The following RHOT1 variants were observed in gnomAD, a reference collection of about 807,000 sequenced individuals.
RHOT1 encodes mitochondrial Rho GTPase 1.
In RHOT1, 27 loss-of-function variants were observed where a neutral mutation model predicts 95.3. The observed-to-expected ratio is 0.28, with a 90% CI of 0.21 to 0.39. RHOT1 has a LOEUF of 0.39. Ranked by LOEUF, RHOT1 falls within the 10% of genes least tolerant of loss-of-function variation. The pLI, the probability that RHOT1 is intolerant of heterozygous loss-of-function variation, is 1.00. For missense variants in RHOT1, 578 were observed against 786.7 expected, an observed-to-expected ratio of 0.73 and a Z score of 3.17; for synonymous variants, 227 against 263.5, an observed-to-expected ratio of 0.86 and a Z score of 1.34.
At chr17:32,149,169 A>G (rs1022985683) in intron 1 of RHOT1, among the ~76,000 whole-genome samples, 1 of 152,182 alleles carries the variant, frequency 6.6e-6, no homozygotes, top group Non-Finnish European at 1.5e-5. Flanking sequence ...CCTCCATATT[A>G]ATAACATACT....
At chr17:32,196,956 T>C (rs1309998371) in intron 11 of RHOT1, among the ~76,000 whole-genome samples, 1 of 151,940 alleles carries the variant, frequency 6.6e-6, no homozygotes, top group Non-Finnish European at 1.5e-5. Context: ...AACCCATCTC[T>C]ACTAAAAATA....
intron 1 of RHOT1, among the ~76,000 whole-genome samples, chr17:32,161,550 A>G (rs2033558374): frequency 6.6e-6 from 1 of 152,214 alleles, no homozygotes. Context: ...TAGTTTTACA[A>G]AGGTGGTTTA....
At chr17:32,174,824 G>A (rs946080621) in intron 3 of RHOT1, among the ~76,000 whole-genome samples, 1 of 152,152 alleles carries the variant, frequency 6.6e-6, no homozygotes, top group Non-Finnish European at 1.5e-5. Context: ...ACCAGTTCTA[G>A]CTAAAGATAC....
At chr17:32,170,087 C>T (rs117259038) in intron 1 of RHOT1, among the ~76,000 whole-genome samples, 2,617 of 152,034 alleles carry the variant, frequency 0.017, 35 homozygotes, top group South Asian at 0.025. Context: ...AATTATAATA[C>T]ATCATGCAGT....
intron 6 of RHOT1, among the ~76,000 whole-genome samples, chr17:32,177,687 G>A (rs1406018498): frequency 3.4e-5 from 5 of 149,234 alleles, no homozygotes; most frequent in South Asian, 2.1e-4. Context: ...CCCAGGAGGC[G>A]GAGCTTGCAG....
intron 8 of RHOT1, among the ~76,000 whole-genome samples, chr17:32,185,598 G>A (rs1279724041): frequency 6.6e-6 from 1 of 151,888 alleles, no homozygotes; most frequent in Non-Finnish European, 1.5e-5. Context: ...GTAGAAGATG[G>A]GGTTTCACCA....
chr17:32,148,498 T>C (rs147317019), intron 1 of RHOT1, among the ~76,000 whole-genome samples: 1 of 152,354 alleles, frequency 6.6e-6, no homozygotes, highest in Admixed American at 6.5e-5. Context: ...TGGTTACTAG[T>C]GTTGATCTCG....
chr17:32,198,204 A>G (rs546571446), intron 11 of RHOT1, among the ~76,000 whole-genome samples: 4 of 152,302 alleles, frequency 2.6e-5, no homozygotes, highest in African/African-American at 9.6e-5. Flanking sequence ...CACTCAGTGC[A>G]TTTGGTTAAT....
rs1242718385 is a variant in RHOT1 at position 32,142,506 on chromosome 17, C to CCGCCGCCGCCGCCGCCGCCGCCGCCGCCG, written c.-186_-185insGCCGCCGCCGCCGCCGCCGCCGCCGCCGC. The stretch of plus-strand genomic sequence containing the variant: ...GCCGCCGCCGCCGCCGCCGCCACAG[C>CCGCCGCCGCCGCCGCCGCCGCCGCCGCCG]CCGCTGGGCCGGAGGAGGCGGAGCT... On this transcript the variant is annotated 5_prime_UTR_variant, in exon 1 of 20. Coordinates refer to ENST00000545287, the MANE Select transcript of RHOT1 (RefSeq NM_001033566.3). 1 of 432,400 alleles carries CCGCCGCCGCCGCCGCCGCCGCCGCCGCCG rather than the reference C, an allele frequency of 2.3e-6. No homozygotes were observed. Among genetic ancestry groups the CCGCCGCCGCCGCCGCCGCCGCCGCCGCCG allele is most frequent in the Non-Finnish European group, 3.8e-6 (1 of 260,488 alleles). 26.8% of individuals were successfully genotyped at this position (432,400 alleles called of 1,614,324 possible).
At chr17:32,214,781 A>G (rs548568766) in intron 19 of RHOT1, among the ~76,000 whole-genome samples, 24 of 151,916 alleles carry the variant, frequency 1.6e-4, no homozygotes, top group African/African-American at 5.1e-4. Flanking sequence ...TATTTTATTC[A>G]TAGGGAGGGT....
intron 1 of RHOT1, among the ~76,000 whole-genome samples, chr17:32,153,564 G>A (rs1165157357): frequency 1.3e-4 from 20 of 152,220 alleles, no homozygotes. Context: ...GGAAGCTGAG[G>A]CGAGAGGATC....
intron 8 of RHOT1, among the ~76,000 whole-genome samples, chr17:32,184,031 A>G (rs924808177): frequency 6.6e-6 from 1 of 152,244 alleles, no homozygotes; most frequent in Non-Finnish European, 1.5e-5. Flanking sequence ...TTATTGAAAT[A>G]TCCAAAATTT....
At chr17:32,150,362 T>C (rs1016380766) in intron 1 of RHOT1, 1 of 374,400 alleles carries the variant, frequency 2.7e-6, no homozygotes, top group African/African-American at 2.1e-5. Flanking sequence ...TGAACTTTTT[T>C]TTTTTTTCAT....
At chr17:32,191,249 A>C (rs961199906) in intron 8 of RHOT1, among the ~76,000 whole-genome samples, 16 of 152,108 alleles carry the variant, frequency 1.1e-4, no homozygotes, top group African/African-American at 3.6e-4. Context: ...GAAGATAATT[A>C]TTTTCTTTCC....
intron 1 of RHOT1, among the ~76,000 whole-genome samples, chr17:32,149,675 A>C (rs2032017049): frequency 7.6e-6 from 1 of 131,222 alleles, no homozygotes; most frequent in South Asian, 2.5e-4. Context: ...ACACACATGC[A>C]TACATACATA....
At chr17:32,180,515 CTG>C (rs2035539650) in intron 6 of RHOT1, among the ~76,000 whole-genome samples, 1 of 151,834 alleles carries the variant, frequency 6.6e-6, no homozygotes, top group Admixed American at 6.6e-5. Flanking sequence ...GACACAAACA[CTG>C]TGTAGGAAAA....
chr17:32,171,219 T>G, intron 2 of RHOT1, 118 bp downstream of exon 2: 1 of 642,566 alleles, frequency 1.6e-6, no homozygotes, highest in Non-Finnish European at 2.6e-6. Flanking sequence ...CAGTTGAGAC[T>G]TTTTTTTCTC....
chr17:32,175,245 A>G (rs1255757616), intron 3 of RHOT1, 74 bp from the exon 4 acceptor site: 3 of 1,272,196 alleles, frequency 2.4e-6, no homozygotes, highest in Non-Finnish European at 2.3e-6. Context: ...TGAGTGTTGC[A>G]TAGAATTTAG....
intron 2 of RHOT1, among the ~76,000 whole-genome samples, chr17:32,172,371 G>A (rs1307895713): frequency 6.6e-6 from 1 of 152,170 alleles, no homozygotes; most frequent in East Asian, 1.9e-4. Context: ...TTCTGTGAGA[G>A]TTTTAGTTTA....
Sources: gnomAD v4.1 joint callset for allele counts (sites outside exome capture counted in the v4.1 genomes callset) on GRCh38, gnomAD v4.1.1 for gene constraint, MANE v1.5 for transcripts, NCBI Gene and HGNC (gene_info 2026-07-23, HGNC 2026-07-21) for gene names.